FGD5: variants seen among roughly 807,000 people sequenced by gnomAD.
FGD5 encodes FYVE, RhoGEF and PH domain-containing protein 5.
Under a neutral mutation model 133.4 loss-of-function variants are expected in FGD5, and 28 were observed. The observed-to-expected ratio is 0.21, with a 90% CI of 0.16 to 0.29. The LOEUF (loss-of-function observed/expected upper bound fraction) is 0.29. FGD5 is among the 10% of genes least tolerant of loss of function. The probability of loss-of-function intolerance (pLI) is 1.00; values close to 1 mark genes in which losing one functional copy is unlikely to be tolerated. For synonymous variants in FGD5, 810 were observed against 776.5 expected, an observed-to-expected ratio of 1.04 and a Z score of -0.72; for missense variants, 1,858 against 1,895.2, an observed-to-expected ratio of 0.98 and a Z score of 0.36.
intron 1 of FGD5, among the ~76,000 whole-genome samples, chr3:14,859,983 A>G (rs1196006566): frequency 6.6e-6 from 1 of 152,234 alleles, no homozygotes; most frequent in African/African-American, 2.4e-5. Context: ...TATGCATTGG[A>G]AAGGGACACT....
At chr3:14,915,565 G>T (rs1230325604) in intron 11 of FGD5, among the ~76,000 whole-genome samples, 2 of 152,152 alleles carry the variant, frequency 1.3e-5, no homozygotes, top group Non-Finnish European at 2.9e-5. Flanking sequence ...ATGTGTAGAG[G>T]GCTCTCTCTG....
intron 1 of FGD5, among the ~76,000 whole-genome samples, chr3:14,855,937 A>G (rs551373887): frequency 2.5e-4 from 38 of 152,286 alleles, no homozygotes; most frequent in Non-Finnish European, 4.9e-4. Flanking sequence ...GGTCTTAGTC[A>G]TAAAATATTT....
intron 2 of FGD5, among the ~76,000 whole-genome samples, chr3:14,879,199 T>C (rs1156889947): frequency 1.3e-5 from 2 of 152,226 alleles, no homozygotes; most frequent in African/African-American, 4.8e-5. Context: ...TGAAAGTGAT[T>C]TGTATAGAGT....
At position 14,922,615 on chromosome 3, in the gene FGD5, C is replaced by G; in HGVS notation, c.3807+67C>G. Reference sequence around the variant, plus strand: ...GGTGGGGGAAGGGCATGTCCCTGCCCAGCCGGGGGCTCAGGGATGTCCAGC... The same window carrying G: ...GGTGGGGGAAGGGCATGTCCCTGCCGAGCCGGGGGCTCAGGGATGTCCAGC... On this transcript the variant is annotated intron_variant, in intron 15 of 19. Transcript: ENST00000285046. The surrounding 1 kb of genome is among the most constrained non-coding windows in gnomAD (Gnocchi z 4.1). 6.6e-7 allele frequency: 1 copy of G among 1,516,460 alleles called. No homozygotes were observed. Among genetic ancestry groups the G allele is most frequent in the South Asian group, 1.2e-5 (1 of 81,182 alleles). 93.9% of individuals were successfully genotyped at this position (1,516,460 alleles called of 1,614,324 possible). A position where few individuals can be genotyped will look rare whatever the true frequency, so the allele number is the denominator to read the frequency against.
At chr3:14,854,199 C>T (rs2037226012) in intron 1 of FGD5, among the ~76,000 whole-genome samples, 1 of 151,992 alleles carries the variant, frequency 6.6e-6, no homozygotes, top group South Asian at 2.1e-4. Context: ...TTCTGGGCTA[C>T]TTGGTCACTA....
rs746372794 is a variant in FGD5 at position 14,832,454 on chromosome 3, C to T, written c.2525+10858C>T. 7.9e-5 allele frequency among the ~76,000 whole-genome samples: 12 copies of T among 152,274 alleles called. No homozygotes were observed. In the East Asian group the frequency reaches 1.2e-3, roughly 15 times the overall value. ...TTAAGGTCACACAGCTGGTCAGCAA[C>T]GGAGCGAGAATTTTAACCCAGGCAG... On this transcript the variant is annotated intron_variant, in intron 1 of 19. Coordinates refer to ENST00000285046, the MANE Select transcript of FGD5 (RefSeq NM_152536.4).
upstream of FGD5, chr3:14,818,871 TC>T: frequency 7.3e-7 from 1 of 1,363,082 alleles, no homozygotes; most frequent in East Asian, 2.8e-5. Context: ...ATCTGTGGCG[TC>T]CCCTGCAACT....
rs995639768 is a variant in FGD5 at position 14,923,954 on chromosome 3, C to T, written c.3938-54C>T. The T allele has an allele frequency of 3.1e-6, 5 of 1,605,864 alleles. No homozygotes were observed. In the African/African-American group the frequency reaches 4.0e-5, roughly 13 times the overall value. ...TTTACAGGAATCAGTGTTCCAAAGA[C>T]AAGCCGCAGGCACGCCTCTCACCTC... On this transcript the variant is annotated intron_variant, in intron 16 of 19. Coordinates refer to ENST00000285046, the MANE Select transcript of FGD5 (RefSeq NM_152536.4).
intron 13 of FGD5, chr3:14,920,246 G>C (rs2038648584): frequency 6.6e-6 from 1 of 152,168 alleles, no homozygotes; most frequent in Non-Finnish European, 1.5e-5. Context: ...ACATGAGATG[G>C]GATGGCAGCA....
upstream of FGD5, among the ~76,000 whole-genome samples, chr3:14,818,258 G>A (rs2036408725): frequency 1.3e-5 from 2 of 152,168 alleles, no homozygotes; most frequent in African/African-American, 2.4e-5. Context: ...TGAAATTTGG[G>A]TGTAGGCCTG....
intron 4 of FGD5, among the ~76,000 whole-genome samples, chr3:14,885,797 C>CAAA (rs1346506790): frequency 6.6e-6 from 1 of 152,168 alleles, no homozygotes; most frequent in Non-Finnish European, 1.5e-5. Flanking sequence ...AAGACAGTCA[C>CAAA]AAAGGTCTAC....
Position 14,897,949 on chromosome 3 carries a change from C to G in FGD5, c.2920C>G (p.Gln974Glu). 6.2e-7 allele frequency: 1 copy of G among 1,613,882 alleles called. No homozygotes were observed. Among genetic ancestry groups the G allele is most frequent in the South Asian group, 1.1e-5 (1 of 91,064 alleles). ...EERLSNWESQQKVADVFLARE... is the reference protein window; with the variant it reads ...EERLSNWESQEKVADVFLARE... ...CATTCCTGGCTGCAGGGAGAGCCAG[C>G]AGAAGGTAGCTGACGTCTTCCTGGC... is the stretch of plus-strand genomic sequence containing the variant. Residue 974 changes from glutamine to glutamate, a missense_variant, in exon 6 of 20, where the codon CAG becomes GAG. Physicochemically the swap from Gln to Glu is conservative, Grantham distance 29 (BLOSUM62 2). Around this residue, in one of 3 missense-constraint regions of FGD5, gnomAD observed 1,824 missense variants for 1,848.9 expected, o/e 0.99. Coordinates refer to ENST00000285046, the MANE Select transcript of FGD5 (RefSeq NM_152536.4).
At chr3:14,813,106 A>G (rs2036317391) in intron 1 of FGD5, among the ~76,000 whole-genome samples, 1 of 152,190 alleles carries the variant, frequency 6.6e-6, no homozygotes, top group Non-Finnish European at 1.5e-5. Flanking sequence ...AACACGTAGT[A>G]GGGTGTAGGA....
Position 14,922,913 on chromosome 3 carries a change from C to T in FGD5, c.3808-133C>T. 1 of 1,282,188 alleles carries T rather than the reference C, an allele frequency of 7.8e-7. No homozygotes were observed. Among genetic ancestry groups the T allele is most frequent in the Non-Finnish European group, 1.1e-6 (1 of 912,206 alleles). The allele number at this position is 1,282,188 out of a possible 1,614,324, so 79.4% of individuals were successfully genotyped here. On this transcript the variant is annotated intron_variant, in intron 15 of 19. Transcript: ENST00000285046. The surrounding 1 kb of genome is among the most constrained non-coding windows in gnomAD (Gnocchi z 4.1). ...TTGCCGGAAAAGTAGGGGACACGCA[C>T]AGCTCCATGATCAGAACCTGGGGCT...
chr3:14,877,903 C>G (rs1241104337), intron 2 of FGD5, among the ~76,000 whole-genome samples: 1 of 152,158 alleles, frequency 6.6e-6, no homozygotes, highest in East Asian at 1.9e-4. Context: ...TGGGTAGAAG[C>G]CAGGGATGCC....
chr3:14,854,444 C>T (rs1335050064), intron 1 of FGD5, among the ~76,000 whole-genome samples: 1 of 129,078 alleles, frequency 7.7e-6, no homozygotes, highest in East Asian at 2.0e-4. Flanking sequence ...TTGAGACGAG[C>T]TCACTCTGTC....
Position 14,921,899 on chromosome 3 carries a change from C to T in FGD5, c.3570-19C>T, listed in dbSNP as rs534052079. The stretch of plus-strand genomic sequence containing the variant: ...GCAGAGCTGCTCCTGCCTTTGCTCA[C>T]TCCAGCCCATGCCCGCAGCTCCTGT... On this transcript the variant is annotated intron_variant, in intron 13 of 19. Transcript: ENST00000285046. The T allele has an allele frequency of 8.4e-6, 13 of 1,555,464 alleles. No homozygotes were observed. The highest frequency in any genetic ancestry group is 1.1e-5 in the Non-Finnish European group (13 of 1,149,170).
chr3:14,899,125 G>A lies in FGD5; in HGVS notation c.3154+299G>A, dbSNP rs1244844661. Among the ~76,000 whole-genome samples the A allele has an allele frequency of 2.6e-5, 4 of 152,088 alleles. 1 individual carries two copies. The highest frequency in any genetic ancestry group is 1.3e-4 in the Admixed American group (2 of 15,272). On this transcript the variant is annotated intron_variant, in intron 7 of 19. Coordinates refer to ENST00000285046, the MANE Select transcript of FGD5 (RefSeq NM_152536.4). ...CAGCTGGCCATCTCCTCATTTCACT[G>A]AAGCCACGCCTGTCATCAAAGTCCT...
At chr3:14,911,146 A>G (rs1209745080) in intron 11 of FGD5, among the ~76,000 whole-genome samples, 5 of 152,148 alleles carry the variant, frequency 3.3e-5, no homozygotes, top group Non-Finnish European at 5.9e-5. Context: ...GAATGTTGGC[A>G]AGATGTAGTT....
Sources: gnomAD v4.1 joint callset for allele counts (sites outside exome capture counted in the v4.1 genomes callset) on GRCh38, gnomAD v4.1.1 for gene constraint, gnomAD v4.1.1 regional missense constraint, Gnocchi (gnomAD v3.1) non-coding constraint, MANE v1.5 for transcripts, NCBI Gene and HGNC (gene_info 2026-07-23, HGNC 2026-07-21) for gene names.